CEP128: variants seen among roughly 807,000 people sequenced by gnomAD.
The protein encoded by CEP128 is centrosomal protein 128kDa.
CEP128 carries 132 observed loss-of-function variants against 156.7 expected under a neutral mutation model. That is an observed-to-expected ratio of 0.84 (90% CI 0.73 to 0.97). The LOEUF (loss-of-function observed/expected upper bound fraction) is 0.97. CEP128 is among the 50% of genes least tolerant of loss of function. The pLI is 0.00. For synonymous variants in CEP128, 469 were observed against 448.9 expected (o/e 1.04, Z -0.57); for missense variants, 1,252 against 1,281.9 (o/e 0.98, Z 0.36).
chr14:80,752,526 C>T lies in CEP128; in HGVS notation c.2613+4366G>A, dbSNP rs138158244. Among the ~76,000 whole-genome samples the T allele has an allele frequency of 2.1e-4, 32 of 152,160 alleles. No individual in the cohort carries two copies. The East Asian group carries it at 5.4e-3, about 26-fold the overall frequency. On this transcript the variant is annotated intron_variant, in intron 18 of 24. Transcript: ENST00000555265. Reference sequence around the variant, plus strand: ...AACAAGTCAGTCAAGATACTGAGTACAGTATTTTCCATTCTATATCAGAAG... The same window carrying T: ...AACAAGTCAGTCAAGATACTGAGTATAGTATTTTCCATTCTATATCAGAAG...
Position 80,559,284 on chromosome 14 carries a change from C to G in CEP128, c.2875G>C (p.Glu959Gln), listed in dbSNP as rs745970273. The G allele has an allele frequency of 2.5e-6, 4 of 1,604,396 alleles. No homozygotes were observed. The African/African-American group carries it at 5.4e-5, about 22-fold the overall frequency. Reference protein sequence around the residue: ...GSLQDRVIALETSTQVALDHL... With the variant: ...GSLQDRVIALQTSTQVALDHL... ...AAGAAAATGCCCCAACTTACCGTTTCTAATGCAATTACACGGTCCTGCAAA... is the reference window on the plus strand; with the variant it reads ...AAGAAAATGCCCCAACTTACCGTTTGTAATGCAATTACACGGTCCTGCAAA... Residue 959 changes from glutamate to glutamine, a missense_variant, in exon 21 of 25, where the codon GAA (glutamate) becomes CAA (glutamine). Coordinates refer to ENST00000555265, the MANE Select transcript of CEP128 (RefSeq NM_152446.5).
Position 80,532,619 on chromosome 14 carries a change from TA to T in CEP128, c.2881-1734del, listed in dbSNP as rs543679716. Among the ~76,000 whole-genome samples, 43 of 152,328 alleles carry T rather than the reference TA, an allele frequency of 2.8e-4. 1 individual carries two copies. The highest frequency in any genetic ancestry group is 8.4e-4 in the African/African-American group (35 of 41,586). On this transcript the variant is annotated intron_variant, in intron 21 of 24. Coordinates refer to ENST00000555265, the MANE Select transcript of CEP128 (RefSeq NM_152446.5). ...TACCCATCCACCCCTCCTTCCACAG[TA>T]ACTGTGCTAATTACTCCAATGCAAA...
At chr14:80,652,196 G>A (rs943621653) in intron 19 of CEP128, among the ~76,000 whole-genome samples, 1 of 151,934 alleles carries the variant, frequency 6.6e-6, no homozygotes, top group African/African-American at 2.4e-5. Flanking sequence ...ATTAAATCAG[G>A]CTGGATTAAA....
At chr14:80,599,431 C>T (rs1442546149) in intron 19 of CEP128, among the ~76,000 whole-genome samples, 1 of 151,870 alleles carries the variant, frequency 6.6e-6, no homozygotes, top group East Asian at 1.9e-4. Flanking sequence ...CGCCACCACG[C>T]CCGGCTAATT....
At chr14:80,868,225 T>C (rs535002735) in intron 8 of CEP128, among the ~76,000 whole-genome samples, 17 of 152,216 alleles carry the variant, frequency 1.1e-4, no homozygotes, top group Non-Finnish European at 2.2e-4. Context: ...ATGAATATAC[T>C]CAAATTATAA....
At position 80,916,533 on chromosome 14, in the gene CEP128, G is replaced by A. The variant is rs753993917; in HGVS notation, c.15C>T (p.Ser5=). Residue 5 remains serine, a synonymous_variant, in exon 3 of 25, where the codon TCC becomes TCT. Transcript: ENST00000555265. MAES[S]SESDHFRCRD... ...GACAGCGGAAGTGATCTGATTCGCT[G>A]GATGATTCTGCCATTGATGTACACA... The A allele has an allele frequency of 1.9e-6, 3 of 1,613,010 alleles. No homozygotes were observed. Among genetic ancestry groups the A allele is most frequent in the South Asian group, 2.2e-5 (2 of 90,910 alleles).
intron 19 of CEP128, among the ~76,000 whole-genome samples, chr14:80,661,360 T>A (rs1339552004): frequency 6.6e-6 from 1 of 152,168 alleles, no homozygotes; most frequent in Admixed American, 6.6e-5. Context: ...AAAGCCATCA[T>A]CAATATACTT....
At chr14:80,716,230 CA>C (rs1897599203) in intron 19 of CEP128, among the ~76,000 whole-genome samples, 1 of 152,176 alleles carries the variant, frequency 6.6e-6, no homozygotes, top group Non-Finnish European at 1.5e-5. Context: ...AAAATTCACA[CA>C]CCATATAATT....
At position 80,700,692 on chromosome 14, in the gene CEP128, G is replaced by T. The variant is rs565397328; in HGVS notation, c.2806+42383C>A. Among the ~76,000 whole-genome samples, 4 of 152,206 alleles carry T rather than the reference G, an allele frequency of 2.6e-5. 1 individual carries two copies. In the South Asian group the frequency reaches 8.3e-4, roughly 32 times the overall value. On this transcript the variant is annotated intron_variant, in intron 19 of 24. Coordinates refer to ENST00000555265, the MANE Select transcript of CEP128 (RefSeq NM_152446.5). ...TTAGTAACTAAGAGTTTTGTTCTGG[G>T]TTAGCAATATAGGATTCTGTGACAT...
At chr14:80,814,814 T>C (rs1390572013) in intron 13 of CEP128, among the ~76,000 whole-genome samples, 11 of 152,170 alleles carry the variant, frequency 7.2e-5, no homozygotes, top group Admixed American at 7.2e-4. Flanking sequence ...ATCCCAGCAC[T>C]TTGGGAGGCT....
chr14:80,628,262 T>C (rs1212491973), intron 19 of CEP128, among the ~76,000 whole-genome samples: 1 of 152,176 alleles, frequency 6.6e-6, no homozygotes, highest in Non-Finnish European at 1.5e-5. Context: ...AGTCTTTCCT[T>C]TCCTATTCTT....
rs1280154836 is a variant in CEP128 at position 80,496,703 on chromosome 14, T to C, written c.*776A>G. On this transcript the variant is annotated 3_prime_UTR_variant, in exon 25 of 25. Coordinates refer to ENST00000555265, the MANE Select transcript of CEP128 (RefSeq NM_152446.5). Reference sequence around the variant, plus strand: ...TATACAAGATTATATATAAATCTCATGGACAAAGGAGTTTGGTGCTATGAT... The same window carrying C: ...TATACAAGATTATATATAAATCTCACGGACAAAGGAGTTTGGTGCTATGAT... 4.6e-5 allele frequency: 7 copies of C among 152,126 alleles called. No individual in the cohort carries two copies. The highest frequency in any genetic ancestry group is 3.9e-4 in the Admixed American group (6 of 15,264). The allele number at this position is 152,126 out of a possible 1,614,324, so 9.4% of individuals were successfully genotyped here. A position where few individuals can be genotyped will look rare whatever the true frequency, so the allele number is the denominator to read the frequency against.
At chr14:80,613,228 A>G (rs1893070644) in intron 19 of CEP128, among the ~76,000 whole-genome samples, 1 of 149,364 alleles carries the variant, frequency 6.7e-6, no homozygotes, top group Non-Finnish European at 1.5e-5. Flanking sequence ...TAGTTATGTT[A>G]TTTAAATCAC....
chr14:80,483,137 C>A (rs147360059), intron 14 of CEP128, among the ~76,000 whole-genome samples: 4 of 152,304 alleles, frequency 2.6e-5, no homozygotes. Context: ...AGTCTCTCCA[C>A]CTTCCCTAAA....
intron 7 of CEP128, 124 bp from the exon 8 acceptor site, chr14:80,895,914 TA>T: frequency 1.4e-6 from 1 of 719,700 alleles, no homozygotes; most frequent in Non-Finnish European, 2.1e-6. Flanking sequence ...TCTCAAATGT[TA>T]TAAACATCTG....
chr14:80,650,566 G>T (rs1364675357), intron 19 of CEP128, among the ~76,000 whole-genome samples: 4 of 152,180 alleles, frequency 2.6e-5, no homozygotes, highest in African/African-American at 9.6e-5. Context: ...GTCATAAATA[G>T]CTCTTATTAT....
At chr14:80,648,768 A>G (rs936566504) in intron 19 of CEP128, among the ~76,000 whole-genome samples, 3 of 152,164 alleles carry the variant, frequency 2.0e-5, no homozygotes, top group Non-Finnish European at 2.9e-5. Flanking sequence ...TTTAAAAAGC[A>G]AAGTGTACCA....
intron 13 of CEP128, among the ~76,000 whole-genome samples, chr14:80,796,757 A>G (rs1000930093): frequency 1.3e-5 from 2 of 152,204 alleles, no homozygotes; most frequent in Non-Finnish European, 2.9e-5. Flanking sequence ...TGAGTCCTAC[A>G]TTCAGAAGCC....
chr14:80,499,073 G>A (rs1379003050), intron 24 of CEP128, among the ~76,000 whole-genome samples: 1 of 152,200 alleles, frequency 6.6e-6, no homozygotes, highest in Non-Finnish European at 1.5e-5. Flanking sequence ...TAAAATGAGA[G>A]AGACAGAGAG....
Sources: allele counts gnomAD v4.1 joint callset (sites outside exome capture counted in the v4.1 genomes callset), GRCh38; gene constraint gnomAD v4.1.1; transcripts MANE v1.5; gene names NCBI Gene and HGNC (gene_info 2026-07-23, HGNC 2026-07-21).